MTMR2: variants seen among roughly 807,000 people sequenced by gnomAD.
The protein encoded by MTMR2 is phosphatidylinositol-3,5-bisphosphate 3-phosphatase MTMR2.
In MTMR2, 55 loss-of-function variants were observed where a neutral mutation model predicts 86.9. That is an observed-to-expected ratio of 0.63 (90% CI 0.51 to 0.79). The LOEUF (loss-of-function observed/expected upper bound fraction) is 0.79, where lower values mean the gene tolerates loss of function less well. MTMR2 is among the 30% of genes least tolerant of loss of function. The pLI, the probability that MTMR2 is intolerant of heterozygous loss-of-function variation, is 0.00. For missense variants in MTMR2, 659 were observed against 772.3 expected, an observed-to-expected ratio of 0.85 and a Z score of 1.74; for synonymous variants, 241 against 266.8, an observed-to-expected ratio of 0.90 and a Z score of 0.94.
intron 1 of MTMR2, among the ~76,000 whole-genome samples, chr11:95,897,765 T>C (rs894782422): frequency 2.6e-5 from 4 of 152,112 alleles, no homozygotes; most frequent in Non-Finnish European, 4.4e-5. Context: ...ACACGGTTGG[T>C]TCAGTAACTC....
chr11:95,848,731 C>G (rs900603618), intron 9 of MTMR2, among the ~76,000 whole-genome samples: 1 of 152,072 alleles, frequency 6.6e-6, no homozygotes, highest in African/African-American at 2.4e-5. Context: ...AACAACAAAA[C>G]CACCAACTCA....
At chr11:95,846,607 T>G (rs1863804031) in intron 10 of MTMR2, among the ~76,000 whole-genome samples, 1 of 152,148 alleles carries the variant, frequency 6.6e-6, no homozygotes, top group Non-Finnish European at 1.5e-5. Context: ...GAGAATAAAG[T>G]AGTTTAGCCC....
intron 1 of MTMR2, among the ~76,000 whole-genome samples, chr11:95,892,770 C>A (rs1006273388): frequency 2.0e-5 from 3 of 152,164 alleles, no homozygotes; most frequent in Non-Finnish European, 2.9e-5. Flanking sequence ...ACTACTAATT[C>A]TCTTCCTAAT....
At chr11:95,921,657 A>C (rs1020043871) in intron 1 of MTMR2, among the ~76,000 whole-genome samples, 3 of 152,242 alleles carry the variant, frequency 2.0e-5, no homozygotes, top group African/African-American at 7.2e-5. Flanking sequence ...ATGAAATAAA[A>C]GATACATAGA....
At chr11:95,846,122 T>C (rs186936860) in intron 10 of MTMR2, among the ~76,000 whole-genome samples, 116 of 152,304 alleles carry the variant, frequency 7.6e-4, no homozygotes, top group African/African-American at 2.4e-3. Context: ...CTGAAGTGCC[T>C]AGACCTCATT....
chr11:95,836,712 AAG>A (rs1863303007), intron 13 of MTMR2, among the ~76,000 whole-genome samples: 1 of 152,084 alleles, frequency 6.6e-6, no homozygotes, highest in African/African-American at 2.4e-5. Flanking sequence ...CAGCCATAAA[AAG>A]AAATGATATA....
intron 1 of MTMR2, among the ~76,000 whole-genome samples, chr11:95,893,840 G>A (rs1239418107): frequency 2.0e-5 from 3 of 151,972 alleles, no homozygotes; most frequent in Admixed American, 2.0e-4. Context: ...CCACTTCTCT[G>A]GACTAGTGCA....
chr11:95,833,332 C>G lies in MTMR2; in HGVS notation c.*1958G>C, dbSNP rs1254513291. 3 of 152,094 alleles carry G rather than the reference C, an allele frequency of 2.0e-5. No individual in the cohort carries two copies. Among genetic ancestry groups the G allele is most frequent in the African/African-American group, 7.2e-5 (3 of 41,422 alleles). 9.4% of individuals were successfully genotyped at this position (152,094 alleles called of 1,614,324 possible). A position where few individuals can be genotyped will look rare whatever the true frequency, so the allele number is the denominator to read the frequency against. Reference sequence around the variant, plus strand: ...CCCTAATCAAAAAGGGAAAAAATTACACCTGCACAACCAATAGACATACAA... The same window carrying G: ...CCCTAATCAAAAAGGGAAAAAATTAGACCTGCACAACCAATAGACATACAA... On this transcript the variant is annotated 3_prime_UTR_variant, in exon 15 of 15. Coordinates refer to ENST00000346299, the MANE Select transcript of MTMR2 (RefSeq NM_016156.6).
chr11:95,877,929 T>G (rs1865185935), intron 2 of MTMR2, among the ~76,000 whole-genome samples: 1 of 151,930 alleles, frequency 6.6e-6, no homozygotes. Context: ...CTACCCAGTT[T>G]GTGGTACTCT....
In MTMR2 at chr11:95,924,042, G is replaced by A; in HGVS notation, c.-88C>T. 4 of 1,511,286 alleles carry A rather than the reference G, an allele frequency of 2.6e-6. No individual in the cohort carries two copies. The highest frequency in any genetic ancestry group is 3.6e-6 in the Non-Finnish European group (4 of 1,112,790). The allele number at this position is 1,511,286 out of a possible 1,614,324, so 93.6% of individuals were successfully genotyped here. A position where few individuals can be genotyped will look rare whatever the true frequency, so the allele number is the denominator to read the frequency against. On this transcript the variant is annotated 5_prime_UTR_variant, in exon 1 of 15. Transcript: ENST00000346299. Reference sequence around the variant, plus strand: ...GCGGAGGGCGGAGTGCTACGGACCGGGGCCGCAGTCAGGCCAGCGCCGGCC... The same window carrying A: ...GCGGAGGGCGGAGTGCTACGGACCGAGGCCGCAGTCAGGCCAGCGCCGGCC...
At position 95,834,665 on chromosome 11, in the gene MTMR2, AC is replaced by A. The variant is rs1289922750; in HGVS notation, c.*624del. ...CTATAAGGCCTCCCATTTTGGATCA[AC>A]TTGCTAATATGTCTTAAGTATGTAA... On this transcript the variant is annotated 3_prime_UTR_variant, in exon 15 of 15. Coordinates refer to ENST00000346299, the MANE Select transcript of MTMR2 (RefSeq NM_016156.6). 1 of 152,856 alleles carries A rather than the reference AC, an allele frequency of 6.5e-6. No individual in the cohort carries two copies. Among genetic ancestry groups the A allele is most frequent in the East Asian group, 1.9e-4 (1 of 5,210 alleles). 9.5% of individuals were successfully genotyped at this position (152,856 alleles called of 1,614,324 possible). A position where few individuals can be genotyped will look rare whatever the true frequency, so the allele number is the denominator to read the frequency against.
intron 2 of MTMR2, among the ~76,000 whole-genome samples, chr11:95,871,199 C>T (rs1382463603): frequency 2.0e-5 from 3 of 152,114 alleles, no homozygotes; most frequent in South Asian, 2.1e-4. Flanking sequence ...ATAAACATAA[C>T]GTGTGCATGT....
chr11:95,867,485 A>T (rs1326798838), intron 2 of MTMR2, among the ~76,000 whole-genome samples: 1 of 152,206 alleles, frequency 6.6e-6, no homozygotes, highest in Non-Finnish European at 1.5e-5. Flanking sequence ...TCATGCAAGC[A>T]GCACACTTTG....
chr11:95,905,368 C>CAA (rs1866231654), intron 1 of MTMR2, among the ~76,000 whole-genome samples: 7 of 143,006 alleles, frequency 4.9e-5, no homozygotes, highest in African/African-American at 1.8e-4. Context: ...CACACACACA[C>CAA]AACACAACAC....
At chr11:95,904,965 G>C (rs538041551) in intron 1 of MTMR2, among the ~76,000 whole-genome samples, 1 of 152,210 alleles carries the variant, frequency 6.6e-6, no homozygotes, top group Admixed American at 6.5e-5. Context: ...AAATGCTTTT[G>C]TCAAGGTCAT....
intron 1 of MTMR2, among the ~76,000 whole-genome samples, chr11:95,905,283 A>G (rs1387684973): frequency 2.6e-5 from 4 of 151,642 alleles, no homozygotes; most frequent in Non-Finnish European, 4.4e-5. Context: ...CTGATGTGAA[A>G]ATACCGTCTA....
chr11:95,897,845 C>A (rs1206508871), intron 1 of MTMR2, among the ~76,000 whole-genome samples: 1 of 152,114 alleles, frequency 6.6e-6, no homozygotes, highest in African/African-American at 2.4e-5. Context: ...TCCAGGACAT[C>A]ACCTTTGCCA....
intron 1 of MTMR2, among the ~76,000 whole-genome samples, chr11:95,895,537 C>T (rs1473543889): frequency 6.6e-6 from 1 of 152,106 alleles, no homozygotes; most frequent in Non-Finnish European, 1.5e-5. Flanking sequence ...AAGGGGCATA[C>T]AATGAGATAT....
chr11:95,861,951 T>G, intron 5 of MTMR2, 41 bp downstream of exon 5: 1 of 1,447,320 alleles, frequency 6.9e-7, no homozygotes, highest in Non-Finnish European at 9.7e-7. Flanking sequence ...ATACAAAGCT[T>G]TTCAAACCAA....
Sources: allele counts gnomAD v4.1 joint callset (sites outside exome capture counted in the v4.1 genomes callset), GRCh38; gene constraint gnomAD v4.1.1; transcripts MANE v1.5; gene names NCBI Gene and HGNC (gene_info 2026-07-23, HGNC 2026-07-21).